NCAPD3: variants seen among roughly 807,000 people sequenced by gnomAD.
NCAPD3 encodes condensin-2 complex subunit D3.
A neutral mutation model predicts 182.9 loss-of-function variants in NCAPD3; 105 were observed. That is an observed-to-expected ratio of 0.57 (90% CI 0.49 to 0.68). The LOEUF (loss-of-function observed/expected upper bound fraction) is 0.68, where lower values mean the gene tolerates loss of function less well. Ranked by LOEUF, NCAPD3 falls within the 30% of genes least tolerant of loss-of-function variation. The probability of loss-of-function intolerance (pLI) is 0.00; values close to 1 mark genes in which losing one functional copy is unlikely to be tolerated. For missense variants in NCAPD3, 1,944 were observed against 1,837.0 expected, an observed-to-expected ratio of 1.06 and a Z score of -1.07; for synonymous variants, 815 against 679.9, an observed-to-expected ratio of 1.20 and a Z score of -3.09.
Position 134,163,881 on chromosome 11 carries a change from A to AAAG in NCAPD3, c.3574-1991_3574-1990insCTT, listed in dbSNP as rs1373258163. Reference sequence around the variant, plus strand: ...AGTGAGATTCTGTCTCAAAAAAAAAAAAAAAAAAAAAGAAAAAGAAAGAAA... The same window carrying AAAG: ...AGTGAGATTCTGTCTCAAAAAAAAAAAAGAAAAAAAAAAAGAAAAAGAAAGAAA... On this transcript the variant is annotated intron_variant, in intron 27 of 34. Transcript: ENST00000534548. Among the ~76,000 whole-genome samples the AAAG allele has an allele frequency of 3.3e-5, 5 of 150,596 alleles. No individual in the cohort carries two copies. In the East Asian group the frequency reaches 9.7e-4, roughly 29 times the overall value.
intron 16 of NCAPD3, chr11:134,185,858 A>G (rs1419753312): frequency 1.1e-5 from 2 of 178,012 alleles, no homozygotes; most frequent in African/African-American, 4.8e-5. Context: ...AGTTACAGAT[A>G]CATCCAGAGC....
At chr11:134,215,707 T>C (rs1247857483) in intron 3 of NCAPD3, among the ~76,000 whole-genome samples, 1 of 152,210 alleles carries the variant, frequency 6.6e-6, no homozygotes, top group African/African-American at 2.4e-5. Flanking sequence ...GTTGTTAAAT[T>C]GGCAATACTT....
intron 27 of NCAPD3, among the ~76,000 whole-genome samples, chr11:134,165,418 GGAA>G (rs1487508180): frequency 6.6e-6 from 1 of 150,532 alleles, no homozygotes; most frequent in East Asian, 2.0e-4. Context: ...TGAGCTTAGG[GGAA>G]GAAGCACACT....
In NCAPD3 at chr11:134,167,993, CACTT is replaced by C. The variant is rs772194154; in HGVS notation, c.3572_3573+2del. On this transcript the variant is annotated splice_donor_variant and coding_sequence_variant, in exon 27 of 35. Coordinates refer to ENST00000534548, the MANE Select transcript of NCAPD3 (RefSeq NM_015261.3). LOFTEE classifies it high-confidence loss of function. ...GATGATCTTAGGGGAGCAACACACTCACTTGTGAGATGAGCTTCTTCTGAGCTTC... is the reference window on the plus strand; with the variant it reads ...GATGATCTTAGGGGAGCAACACACTCGTGAGATGAGCTTCTTCTGAGCTTC... 13 of 1,613,276 alleles carry C rather than the reference CACTT, an allele frequency of 8.1e-6. No homozygotes were observed. The highest frequency in any genetic ancestry group is 1.1e-5 in the South Asian group (1 of 91,066).
chr11:134,166,037 ACT>A (rs923911057), intron 27 of NCAPD3, among the ~76,000 whole-genome samples: 1 of 111,016 alleles, frequency 9.0e-6, no homozygotes, highest in African/African-American at 3.7e-5. Flanking sequence ...GGAGGCGCAC[ACT>A]CACTAGTGAG....
chr11:134,223,567 G>C, intron 1 of NCAPD3: 1 of 685,016 alleles, frequency 1.5e-6, no homozygotes, highest in Admixed American at 2.0e-5. Context: ...AGAATAGATA[G>C]GTGCACGAAG....
intron 27 of NCAPD3, among the ~76,000 whole-genome samples, chr11:134,167,293 T>A (rs79849821): frequency 8.3e-6 from 1 of 120,208 alleles, no homozygotes; most frequent in African/African-American, 3.3e-5. Flanking sequence ...TGAGATGAGC[T>A]TGGGGGAGCA....
At chr11:134,157,148 A>G in intron 31 of NCAPD3, 53 bp from the exon 32 acceptor site, 1 of 1,416,634 alleles carries the variant, frequency 7.1e-7, no homozygotes, top group South Asian at 1.2e-5. Flanking sequence ...AATAACGAAG[A>G]GCAAAACAAC....
intron 17 of NCAPD3, 79 bp from the exon 18 acceptor site, chr11:134,185,079 A>G (rs1944375828): frequency 1.7e-6 from 2 of 1,178,108 alleles, no homozygotes; most frequent in South Asian, 2.5e-5. Context: ...TTCTGGATTA[A>G]TAACACTGGA....
chr11:134,216,787 T>C (rs932741164), intron 3 of NCAPD3, 149 bp downstream of exon 3: 1 of 683,678 alleles, frequency 1.5e-6, no homozygotes. Context: ...CCATGTACTT[T>C]AGAGACTTGC....
intron 27 of NCAPD3, among the ~76,000 whole-genome samples, chr11:134,165,252 GAT>G (rs1319771167): frequency 2.8e-5 from 4 of 144,972 alleles, no homozygotes; most frequent in African/African-American, 7.7e-5. Context: ...TCACTTGTGA[GAT>G]AAGCTGAGGG....
intron 24 of NCAPD3, among the ~76,000 whole-genome samples, chr11:134,170,714 C>G (rs1393057454): frequency 2.6e-5 from 4 of 152,200 alleles, no homozygotes; most frequent in Non-Finnish European, 5.9e-5. Context: ...GGAGTTTAAG[C>G]CCTAGTGAAA....
intron 31 of NCAPD3, 125 bp from the exon 32 acceptor site, chr11:134,157,220 A>G (rs183591843): frequency 3.1e-6 from 2 of 641,620 alleles, no homozygotes; most frequent in Admixed American, 3.3e-5. Flanking sequence ...CAATTTTCTT[A>G]TAAAGAGGCA....
chr11:134,182,085 A>G (rs1944311247), intron 19 of NCAPD3, among the ~76,000 whole-genome samples: 1 of 152,180 alleles, frequency 6.6e-6, no homozygotes, highest in African/African-American at 2.4e-5. Context: ...AACCTGGACC[A>G]CAACATTGGC....
At chr11:134,219,555 G>T (rs1463231131) in intron 2 of NCAPD3, among the ~76,000 whole-genome samples, 1 of 152,008 alleles carries the variant, frequency 6.6e-6, no homozygotes, top group Non-Finnish European at 1.5e-5. Context: ...TTAATTAGAT[G>T]ATTTAATTTT....
chr11:134,192,863 A>C lies in NCAPD3; in HGVS notation c.1871T>G (p.Val624Gly). The change falls in exon 16 of 35, where the codon GTG becomes GGG. Residue 624 changes from valine (V) to glycine (G), a missense_variant. Val to Gly is a moderately radical substitution (Grantham distance 109). Around this residue, in one of 3 missense-constraint regions of NCAPD3, gnomAD observed 1,803 missense variants for 1,674.6 expected, o/e 1.08. Coordinates refer to ENST00000534548, the MANE Select transcript of NCAPD3 (RefSeq NM_015261.3). Reference sequence around the variant, plus strand: ...CTCGCAGTCCATCACCACCGGGACCACCCCCCGCAACCAGGCTTTCTGGAT... The same window carrying C: ...CTCGCAGTCCATCACCACCGGGACCCCCCCCCGCAACCAGGCTTTCTGGAT... ...VQIQKAWLRG[V>G]VPVVMDCEST... is the part of the protein sequence containing the mutation. The C allele has an allele frequency of 6.2e-7, 1 of 1,613,700 alleles. No homozygotes were observed. Among genetic ancestry groups the C allele is most frequent in the Non-Finnish European group, 8.5e-7 (1 of 1,179,734 alleles).
chr11:134,178,547 CCT>C lies in NCAPD3; in HGVS notation c.2782+85_2782+86del, dbSNP rs141093160. On this transcript the variant is annotated intron_variant, in intron 22 of 34. Coordinates refer to ENST00000534548, the MANE Select transcript of NCAPD3 (RefSeq NM_015261.3). ...GCAGACACAGACAGGCTCCGCAGCC[CCT>C]GACACAGTCCCATGGCTGGGCTTAC... is the stretch of plus-strand genomic sequence containing the variant. 2.5e-3 allele frequency: 2,655 copies of C among 1,070,778 alleles called. 38 individuals carry two copies. The African/African-American group carries it at 0.036, about 15-fold the overall frequency. 66.3% of individuals were successfully genotyped at this position (1,070,778 alleles called of 1,614,324 possible).
At chr11:134,184,840 CACACACA>C in intron 18 of NCAPD3, 56 bp downstream of exon 18, 1 of 1,410,304 alleles carries the variant, frequency 7.1e-7, no homozygotes, top group Non-Finnish European at 1.0e-6. Context: ...CACACACACA[CACACACA>C]CACCTGAAAT....
At chr11:134,193,928 C>T in intron 15 of NCAPD3, 88 bp downstream of exon 15, 1 of 1,389,100 alleles carries the variant, frequency 7.2e-7, no homozygotes, top group South Asian at 1.3e-5. Flanking sequence ...TAAAGGTCAA[C>T]TTAACGTTTA....
Sources: gnomAD v4.1 joint callset for allele counts (sites outside exome capture counted in the v4.1 genomes callset) on GRCh38, gnomAD v4.1.1 for gene constraint, gnomAD v4.1.1 regional missense constraint, MANE v1.5 for transcripts, NCBI Gene and HGNC (gene_info 2026-07-23, HGNC 2026-07-21) for gene names.